The following FHIT variants were observed in gnomAD, a reference collection of about 807,000 sequenced individuals.
FHIT encodes bis(5'-adenosyl)-triphosphatase.
FHIT carries 19 observed loss-of-function variants against 17.9 expected under a neutral mutation model. That is an observed-to-expected ratio of 1.06 (90% CI 0.74 to 1.56). The LOEUF (loss-of-function observed/expected upper bound fraction) is 1.56. FHIT is among the 40% of genes most tolerant of loss of function. The pLI is 0.00. For synonymous variants in FHIT, 81 were observed against 69.7 expected, an observed-to-expected ratio of 1.16 and a Z score of -0.81; for missense variants, 248 against 189.2, an observed-to-expected ratio of 1.31 and a Z score of -1.82.
At chr3:60,792,590 C>T (rs1553728876) in intron 4 of FHIT, among the ~76,000 whole-genome samples, 3 of 152,212 alleles carry the variant, frequency 2.0e-5, no homozygotes, top group Non-Finnish European at 4.4e-5. Context: ...CAGTGAGCGA[C>T]TGAAAGATCA....
At chr3:60,536,717 G>A in intron 5 of FHIT, 143 bp downstream of exon 5, 2 of 761,164 alleles carry the variant, frequency 2.6e-6, no homozygotes, top group Non-Finnish European at 3.9e-6. Flanking sequence ...CATCTTACCT[G>A]GTGTCTCCGA....
In FHIT at chr3:60,525,963, C is replaced by G. The variant is rs370158303; in HGVS notation, c.103+10897G>C. 4.6e-5 allele frequency among the ~76,000 whole-genome samples: 7 copies of G among 151,894 alleles called. No individual in the cohort carries two copies. The South Asian group carries it at 6.3e-4, about 14-fold the overall frequency. On this transcript the variant is annotated intron_variant, in intron 5 of 9. Transcript: ENST00000492590. ...ACAAAAAATGCAAAAATTAGCTGGG[C>G]GTGGTGGCCCACACCTGTAGTCCCA...
At chr3:60,610,610 T>C (rs939497) in intron 4 of FHIT, among the ~76,000 whole-genome samples, 72,333 of 151,858 alleles carry the variant, frequency 0.48, 17,582 homozygotes, top group East Asian at 0.66. Context: ...AGTCACAGAA[T>C]CAACATGAAA....
At chr3:60,371,813 T>G (rs1200651313) in intron 5 of FHIT, among the ~76,000 whole-genome samples, 1 of 149,534 alleles carries the variant, frequency 6.7e-6, no homozygotes, top group Non-Finnish European at 1.5e-5. Context: ...ATTTGAGAAG[T>G]TAACCTCATT....
intron 4 of FHIT, among the ~76,000 whole-genome samples, chr3:60,715,549 C>G (rs1553706522): frequency 7.0e-6 from 1 of 143,828 alleles, no homozygotes; most frequent in Non-Finnish European, 1.5e-5. Flanking sequence ...CGTGTTCTCA[C>G]TCATAGATGG....
chr3:59,951,788 A>C (rs1350464667), intron 7 of FHIT, among the ~76,000 whole-genome samples: 4 of 151,962 alleles, frequency 2.6e-5, no homozygotes, highest in Admixed American at 2.0e-4. Context: ...ACATCACCCC[A>C]CCAGCCCAGC....
chr3:59,833,073 C>G (rs189407453), intron 8 of FHIT, among the ~76,000 whole-genome samples: 3 of 152,106 alleles, frequency 2.0e-5, no homozygotes, highest in African/African-American at 7.2e-5. Flanking sequence ...TATCTGAGCA[C>G]AAGCATATAT....
intron 5 of FHIT, among the ~76,000 whole-genome samples, chr3:60,416,638 A>C (rs2107245603): frequency 6.6e-6 from 1 of 152,314 alleles, no homozygotes; most frequent in East Asian, 1.9e-4. Flanking sequence ...CCACTTAAAA[A>C]TGTAAAAACA....
At chr3:60,673,037 A>C (rs2040545861) in intron 4 of FHIT, among the ~76,000 whole-genome samples, 1 of 152,150 alleles carries the variant, frequency 6.6e-6, no homozygotes, top group South Asian at 2.1e-4. Flanking sequence ...ATGCTGTCAC[A>C]TGTTTTACTT....
At chr3:60,049,936 G>A (rs886433771) in intron 5 of FHIT, among the ~76,000 whole-genome samples, 3 of 152,042 alleles carry the variant, frequency 2.0e-5, no homozygotes, top group Non-Finnish European at 4.4e-5. Context: ...CTGTTTTTAT[G>A]CATCCTCACT....
At chr3:60,736,772 C>T (rs566636893) in intron 4 of FHIT, among the ~76,000 whole-genome samples, 35 of 152,122 alleles carry the variant, frequency 2.3e-4, no homozygotes, top group African/African-American at 7.0e-4. Flanking sequence ...ACATTATAAA[C>T]GGATAAACAT....
At chr3:60,535,370 C>T (rs1245250115) in intron 5 of FHIT, among the ~76,000 whole-genome samples, 1 of 152,188 alleles carries the variant, frequency 6.6e-6, no homozygotes. Context: ...TCAGTTAAAG[C>T]TGGCACCTAG....
At chr3:61,187,523 G>A (rs1307133093) in intron 2 of FHIT, among the ~76,000 whole-genome samples, 1 of 152,114 alleles carries the variant, frequency 6.6e-6, no homozygotes, top group Non-Finnish European at 1.5e-5. Flanking sequence ...ACAGATCAAC[G>A]AGACAGAAAG....
chr3:60,764,339 C>T (rs1699775199), intron 4 of FHIT, among the ~76,000 whole-genome samples: 1 of 152,114 alleles, frequency 6.6e-6, no homozygotes, highest in Non-Finnish European at 1.5e-5. Context: ...ACAGAAAACT[C>T]CCAGGCTGCC....
rs114133666 is a variant in FHIT at position 59,843,433 on chromosome 3, C to T, written c.348+78913G>A. Among the ~76,000 whole-genome samples the T allele has an allele frequency of 6.2e-3, 947 of 152,162 alleles. 8 individuals carry two copies. Among genetic ancestry groups the T allele is most frequent in the South Asian group, 0.041 (196 of 4,820 alleles). On this transcript the variant is annotated intron_variant, in intron 8 of 9. Transcript: ENST00000492590. ...CAATTACATATGAATTTCAGGATGG[C>T]TTTTTGTATGTCAGCAAAAAAAGCA...
At chr3:59,778,828 G>T (rs143308512) in intron 8 of FHIT, among the ~76,000 whole-genome samples, 1 of 152,128 alleles carries the variant, frequency 6.6e-6, no homozygotes, top group Non-Finnish European at 1.5e-5. Flanking sequence ...TTTCTAAAGC[G>T]CTTAGAAAAC....
intron 5 of FHIT, among the ~76,000 whole-genome samples, chr3:60,407,822 G>A (rs1701927958): frequency 6.6e-6 from 1 of 152,046 alleles, no homozygotes; most frequent in Non-Finnish European, 1.5e-5. Flanking sequence ...TGACCCAAAT[G>A]TACATATTTA....
At chr3:60,515,073 C>T (rs945992093) in intron 5 of FHIT, among the ~76,000 whole-genome samples, 11 of 152,162 alleles carry the variant, frequency 7.2e-5, no homozygotes, top group Admixed American at 5.9e-4. Context: ...AAACAGTGGG[C>T]ACCGCAAATG....
At chr3:60,377,765 G>C (rs1700633353) in intron 5 of FHIT, among the ~76,000 whole-genome samples, 1 of 151,754 alleles carries the variant, frequency 6.6e-6, no homozygotes, top group Non-Finnish European at 1.5e-5. Context: ...ACAGGCGTGA[G>C]CCACCGCGCC....
Sources: gnomAD v4.1 joint callset for allele counts (sites outside exome capture counted in the v4.1 genomes callset) on GRCh38, gnomAD v4.1.1 for gene constraint, MANE v1.5 for transcripts, NCBI Gene and HGNC (gene_info 2026-07-23, HGNC 2026-07-21) for gene names.